The following UTS2 variants were observed in gnomAD, a reference collection of about 807,000 sequenced individuals.
The protein encoded by UTS2 is urotensin 2, also known as urotensin-2.
In UTS2, 10 loss-of-function variants were observed where a neutral mutation model predicts 12.6. That is an observed-to-expected ratio of 0.80 (90% CI 0.49 to 1.35). The LOEUF (loss-of-function observed/expected upper bound fraction) is 1.35. Ranked by LOEUF, UTS2 falls within the 40% of genes most tolerant of loss-of-function variation. The pLI is 0.00. For synonymous variants in UTS2, 52 were observed against 50.0 expected (o/e 1.04, Z -0.17); for missense variants, 142 against 143.2 (o/e 0.99, Z 0.04).
the UTS2 span, among the ~76,000 whole-genome samples, chr1:7,890,971 C>G: frequency 1.3e-5 from 2 of 151,048 alleles, no homozygotes; most frequent in African/African-American, 2.4e-5. Flanking sequence ...CCCTCCACCC[C>G]CCCCCACAAA....
the UTS2 span, among the ~76,000 whole-genome samples, chr1:7,904,189 A>G: frequency 6.6e-6 from 1 of 152,076 alleles, no homozygotes; most frequent in Non-Finnish European, 1.5e-5. Context: ...GTCTAATGAA[A>G]AGTAAAGATG....
At chr1:7,857,321 C>G (rs1638334699), upstream of UTS2, among the ~76,000 whole-genome samples, 1 of 152,126 alleles carries the variant, frequency 6.6e-6, no homozygotes, top group Non-Finnish European at 1.5e-5. Context: ...TCCTCCATCT[C>G]TCCTGTAATT....
upstream of UTS2, chr1:7,853,068 C>G (rs2097415811): frequency 6.4e-7 from 1 of 1,563,234 alleles, no homozygotes; most frequent in South Asian, 1.2e-5. Flanking sequence ...ACTGTCTCCT[C>G]ATTCTGCCTG....
At chr1:7,904,299 C>G in the UTS2 span, among the ~76,000 whole-genome samples, 1 of 142,000 alleles carries the variant, frequency 7.0e-6, no homozygotes, top group Non-Finnish European at 1.5e-5. Flanking sequence ...GACCAGGTCT[C>G]TACAAAAAAT....
chr1:7,857,542 G>A (rs1009914285), upstream of UTS2, among the ~76,000 whole-genome samples: 2 of 152,104 alleles, frequency 1.3e-5, no homozygotes, highest in Admixed American at 1.3e-4. Context: ...TGAAAATAAA[G>A]GGATTTTTTT....
the UTS2 span, among the ~76,000 whole-genome samples, chr1:7,861,183 G>C: frequency 1.1e-4 from 17 of 152,252 alleles, no homozygotes; most frequent in African/African-American, 3.9e-4. Context: ...CAGAGTTTTG[G>C]GCCTGAGAAC....
At chr1:7,859,977 C>T in the UTS2 span, among the ~76,000 whole-genome samples, 3 of 149,566 alleles carry the variant, frequency 2.0e-5, no homozygotes, top group Admixed American at 6.8e-5. Context: ...CCAGCTTAGG[C>T]GACAGAGCGA....
At chr1:7,888,988 C>T in the UTS2 span, among the ~76,000 whole-genome samples, 1 of 151,428 alleles carries the variant, frequency 6.6e-6, no homozygotes, top group East Asian at 1.9e-4. Flanking sequence ...AGAGTATGCG[C>T]ATAACTCCTC....
the UTS2 span, among the ~76,000 whole-genome samples, chr1:7,902,073 G>A: frequency 4.6e-5 from 7 of 152,292 alleles, 1 homozygote; most frequent in East Asian, 9.7e-4. Context: ...ACACCAGGCT[G>A]GGAGGGAAGC....
chr1:7,906,455 G>GAAAGAAAGAAAGAAAGAAAGA, the UTS2 span, among the ~76,000 whole-genome samples: 1 of 94,508 alleles, frequency 1.1e-5, no homozygotes, highest in African/African-American at 4.6e-5. Flanking sequence ...AAAAGAGAAA[G>GAAAGAAAGAAAGAAAGAAAGA]AAAGAAAGAA....
At chr1:7,895,195 C>T in the UTS2 span, among the ~76,000 whole-genome samples, 1 of 151,964 alleles carries the variant, frequency 6.6e-6, no homozygotes, top group Non-Finnish European at 1.5e-5. Context: ...ATGGGGAAAC[C>T]CTGTCTCTAC....
At chr1:7,900,930 G>A in the UTS2 span, among the ~76,000 whole-genome samples, 1 of 152,074 alleles carries the variant, frequency 6.6e-6, no homozygotes, top group African/African-American at 2.4e-5. Flanking sequence ...TATAAAATAG[G>A]AATGATCCAC....
the UTS2 span, among the ~76,000 whole-genome samples, chr1:7,861,307 TG>T: frequency 4.8e-3 from 732 of 152,126 alleles, 9 homozygotes; most frequent in African/African-American, 0.017. Flanking sequence ...GTTAAACCCC[TG>T]GGAGAGAGGT....
chr1:7,893,323 G>A, the UTS2 span, among the ~76,000 whole-genome samples: 1 of 152,136 alleles, frequency 6.6e-6, no homozygotes, highest in East Asian at 1.9e-4. Flanking sequence ...ACAATGTGGT[G>A]AAACCCCATC....
the UTS2 span, among the ~76,000 whole-genome samples, chr1:7,904,427 T>C: frequency 6.6e-6 from 1 of 151,752 alleles, no homozygotes; most frequent in African/African-American, 2.4e-5. Context: ...CAATAAGCTA[T>C]GATTGTGCCA....
chr1:7,847,731 T>G lies in UTS2; in HGVS notation c.*35A>C. 1 of 1,477,736 alleles carries G rather than the reference T, an allele frequency of 6.8e-7. No homozygotes were observed. The highest frequency in any genetic ancestry group is 9.4e-7 in the Non-Finnish European group (1 of 1,066,330). 91.5% of individuals were successfully genotyped at this position (1,477,736 alleles called of 1,614,324 possible). ...GTTATTTTTCATATTCTAAGATGGGTGTTTCTGAGCTGACTAACAGATGCT... is the reference window on the plus strand; with the variant it reads ...GTTATTTTTCATATTCTAAGATGGGGGTTTCTGAGCTGACTAACAGATGCT... On this transcript the variant is annotated 3_prime_UTR_variant, in exon 4 of 4. Transcript: ENST00000361696.
chr1:7,897,497 G>T, the UTS2 span, among the ~76,000 whole-genome samples: 1 of 152,160 alleles, frequency 6.6e-6, no homozygotes, highest in African/African-American at 2.4e-5. Flanking sequence ...TGGAGAGAAA[G>T]ATATCTTTAC....
At chr1:7,871,664 GTC>G in the UTS2 span, among the ~76,000 whole-genome samples, 1 of 152,012 alleles carries the variant, frequency 6.6e-6, no homozygotes, top group East Asian at 1.9e-4. Context: ...CTCACTTTGA[GTC>G]TCTGTGCCAC....
chr1:7,900,879 G>A, the UTS2 span, among the ~76,000 whole-genome samples: 1 of 152,126 alleles, frequency 6.6e-6, no homozygotes, highest in East Asian at 1.9e-4. Flanking sequence ...GAATACCTAG[G>A]AGAAGATAAA....
Sources: gnomAD v4.1 joint callset for allele counts (sites outside exome capture counted in the v4.1 genomes callset) on GRCh38, gnomAD v4.1.1 for gene constraint, MANE v1.5 for transcripts, NCBI Gene and HGNC (gene_info 2026-07-23, HGNC 2026-07-21) for gene names.